STX8: variants seen among roughly 807,000 people sequenced by gnomAD.
STX8 encodes syntaxin 8.
A neutral mutation model predicts 37.5 loss-of-function variants in STX8; 23 were observed. The ratio of observed to expected loss-of-function variants is 0.61; its 90% CI spans 0.44 to 0.87. The LOEUF is 0.87. Ranked by LOEUF, STX8 falls within the 40% of genes least tolerant of loss-of-function variation. The pLI is 0.00. For missense variants in STX8, 313 were observed against 284.7 expected (o/e 1.10, Z -0.71); for synonymous variants, 115 against 99.1 (o/e 1.16, Z -0.95).
intron 7 of STX8, among the ~76,000 whole-genome samples, chr17:9,337,290 T>TCACAGGTGG: frequency 6.6e-6 from 1 of 152,038 alleles, no homozygotes; most frequent in Non-Finnish European, 1.5e-5. Context: ...GTTGATAACT[T>TCACAGGTGG]ATTTCAATGT....
chr17:9,488,821 A>AGTGTGTGTGTGTGTGTGTGTGTGT (rs71135988), intron 6 of STX8, among the ~76,000 whole-genome samples: 1 of 143,910 alleles, frequency 6.9e-6, no homozygotes, highest in African/African-American at 2.6e-5. Flanking sequence ...AGAGAGAGAG[A>AGTGTGTGTGTGTGTGTGTGTGTGT]GTGTGTGTGT....
chr17:9,559,760 A>ATATATATTTTTT, intron 2 of STX8, among the ~76,000 whole-genome samples: 3,978 of 24,444 alleles, frequency 0.16, 763 homozygotes, highest in Admixed American at 0.23. Flanking sequence ...ATATATATAT[A>ATATATATTTTTT]TTTTTTTTTT....
chr17:9,484,697 C>A (rs1053434116), intron 6 of STX8, among the ~76,000 whole-genome samples: 1 of 150,130 alleles, frequency 6.7e-6, no homozygotes, highest in Non-Finnish European at 1.5e-5. Flanking sequence ...CATGGTGGTG[C>A]GTGCCCGTAA....
intron 7 of STX8, among the ~76,000 whole-genome samples, chr17:9,290,459 C>T (rs1423436208): frequency 6.6e-6 from 1 of 152,204 alleles, no homozygotes; most frequent in Non-Finnish European, 1.5e-5. Context: ...GCTCAGCAAG[C>T]ACGTGTGCGC....
chr17:9,368,646 C>G (rs1380065629), intron 7 of STX8, among the ~76,000 whole-genome samples: 2 of 152,172 alleles, frequency 1.3e-5, no homozygotes, highest in Non-Finnish European at 2.9e-5. Context: ...ATGCAGGTCT[C>G]TCTCCTCCTT....
intron 4 of STX8, among the ~76,000 whole-genome samples, chr17:9,525,317 C>G (rs923942458): frequency 5.9e-5 from 9 of 152,030 alleles, no homozygotes; most frequent in East Asian, 3.9e-4. Context: ...AGCCTCCCCC[C>G]ACTGCCCACA....
chr17:9,547,315 A>G (rs1906573844), intron 3 of STX8: 1 of 151,776 alleles, frequency 6.6e-6, no homozygotes, highest in Non-Finnish European at 1.5e-5. Flanking sequence ...CTTCTGCCAT[A>G]AAATGAATGA....
chr17:9,510,956 A>C (rs1905002139), intron 4 of STX8, among the ~76,000 whole-genome samples: 1 of 152,106 alleles, frequency 6.6e-6, no homozygotes. Flanking sequence ...AATACAAAGA[A>C]TCATTACAGG....
chr17:9,302,566 G>A (rs1278799394), intron 7 of STX8, among the ~76,000 whole-genome samples: 1 of 152,148 alleles, frequency 6.6e-6, no homozygotes, highest in Non-Finnish European at 1.5e-5. Flanking sequence ...CTCTAAGAGT[G>A]AGCAGAAGCG....
At chr17:9,278,238 G>A (rs1017505105) in intron 7 of STX8, among the ~76,000 whole-genome samples, 9 of 152,140 alleles carry the variant, frequency 5.9e-5, no homozygotes, top group African/African-American at 1.9e-4. Context: ...ACCTGAGGTC[G>A]CGAGTTTGAA....
chr17:9,527,081 A>AGGCAG (rs1230035026), intron 4 of STX8, among the ~76,000 whole-genome samples: 1 of 143,296 alleles, frequency 7.0e-6, no homozygotes, highest in East Asian at 2.1e-4. Context: ...CGGGAGGCTG[A>AGGCAG]GGCAGGAGAA....
intron 7 of STX8, among the ~76,000 whole-genome samples, chr17:9,285,439 C>T (rs1049989964): frequency 2.0e-5 from 3 of 147,318 alleles, no homozygotes; most frequent in African/African-American, 5.0e-5. Flanking sequence ...AAAGGAGAAA[C>T]ATCTGGGACA....
At chr17:9,567,938 A>G (rs1382450633) in intron 2 of STX8, among the ~76,000 whole-genome samples, 2 of 152,162 alleles carry the variant, frequency 1.3e-5, no homozygotes, top group Non-Finnish European at 2.9e-5. Flanking sequence ...TGCCCGCCTC[A>G]GCCTCCCAAA....
chr17:9,535,265 T>C (rs924787448), intron 4 of STX8, among the ~76,000 whole-genome samples: 2 of 151,930 alleles, frequency 1.3e-5, no homozygotes, highest in African/African-American at 4.8e-5. Flanking sequence ...TGGAGTAGGA[T>C]ACAAAAGTTT....
intron 2 of STX8, among the ~76,000 whole-genome samples, chr17:9,565,331 G>A (rs1318771140): frequency 5.3e-5 from 8 of 151,992 alleles, no homozygotes; most frequent in Admixed American, 5.2e-4. Flanking sequence ...AGAGAACTCA[G>A]TTGACCAGGC....
intron 7 of STX8, among the ~76,000 whole-genome samples, chr17:9,273,845 G>T: frequency 6.6e-6 from 1 of 152,162 alleles, no homozygotes; most frequent in East Asian, 1.9e-4. Flanking sequence ...TGCGTGGCAG[G>T]CCTCAATGCA....
chr17:9,507,603 G>A lies in STX8; in HGVS notation c.324-2441C>T, dbSNP rs118014912. On this transcript the variant is annotated intron_variant, in intron 4 of 7. Transcript: ENST00000306357. This position sits in a 1 kb window ranked among gnomAD's most constrained non-coding sequence, Gnocchi z 4.0. ...CTCTGGCAGGCATACTCCCAGACTG[G>A]CCAAGCAACCAAGCAACTGTGCCCT... Among the ~76,000 whole-genome samples, 2,905 of 152,268 alleles carry A rather than the reference G, an allele frequency of 0.019. 42 individuals carry two copies. Among genetic ancestry groups the A allele is most frequent in the Non-Finnish European group, 0.029 (1,943 of 68,014 alleles).
chr17:9,454,477 G>C (rs1293863805), intron 6 of STX8, among the ~76,000 whole-genome samples: 2 of 152,042 alleles, frequency 1.3e-5, no homozygotes, highest in Admixed American at 1.3e-4. Context: ...AGGAGATCGA[G>C]ACCATCCTGG....
At chr17:9,361,664 T>C (rs1367742947) in intron 7 of STX8, among the ~76,000 whole-genome samples, 1 of 152,242 alleles carries the variant, frequency 6.6e-6, no homozygotes, top group Non-Finnish European at 1.5e-5. Context: ...TTAGTTCCAT[T>C]CAACTTTTAA....
Sources: allele counts gnomAD v4.1 joint callset (sites outside exome capture counted in the v4.1 genomes callset), GRCh38; gene constraint gnomAD v4.1.1; non-coding constraint Gnocchi (gnomAD v3.1); transcripts MANE v1.5; gene names NCBI Gene and HGNC (gene_info 2026-07-23, HGNC 2026-07-21).